Variants in ZNRF2 observed in about 807,000 individuals in gnomAD.
ZNRF2 encodes zinc and ring finger 2.
ZNRF2 carries 16 observed loss-of-function variants against 20.4 expected under a neutral mutation model. The observed-to-expected ratio is 0.79, with a 90% CI of 0.53 to 1.19. ZNRF2 has a LOEUF of 1.19. Among genes scored for constraint, ZNRF2 ranks in the 50% most tolerant of loss-of-function variants. The pLI is 0.00. For synonymous variants in ZNRF2, 178 were observed against 144.9 expected, an observed-to-expected ratio of 1.23 and a Z score of -1.64; for missense variants, 363 against 332.4, an observed-to-expected ratio of 1.09 and a Z score of -0.72.
chr7:30,360,526 G>A (rs551513472), intron 3 of ZNRF2, among the ~76,000 whole-genome samples: 2 of 145,208 alleles, frequency 1.4e-5, no homozygotes, highest in Admixed American at 1.3e-4. Flanking sequence ...TGTCTCTACT[G>A]GAAAAAAAAA....
intron 1 of ZNRF2, among the ~76,000 whole-genome samples, chr7:30,302,254 TAA>T (rs1180409443): frequency 6.6e-6 from 1 of 152,236 alleles, no homozygotes; most frequent in Non-Finnish European, 1.5e-5. Context: ...GCACATGGCT[TAA>T]ATGTTCTTTT....
chr7:30,297,265 C>T (rs116041630), intron 1 of ZNRF2, among the ~76,000 whole-genome samples: 5,261 of 152,178 alleles, frequency 0.035, 332 homozygotes, highest in African/African-American at 0.12. Context: ...TACCCTGTTC[C>T]GAATTGATTA....
intron 1 of ZNRF2, among the ~76,000 whole-genome samples, chr7:30,315,727 C>CGGCG (rs1554294834): frequency 8.1e-4 from 23 of 28,398 alleles, no homozygotes; most frequent in African/African-American, 2.7e-3. Context: ...AAAGGTGGGG[C>CGGCG]GGGGGGGGGG....
chr7:30,306,081 T>G (rs1287515113), intron 1 of ZNRF2, among the ~76,000 whole-genome samples: 1 of 152,174 alleles, frequency 6.6e-6, no homozygotes, highest in Non-Finnish European at 1.5e-5. Context: ...TAGTAGCTAC[T>G]TCATATAGTG....
At chr7:30,345,190 G>C (rs944152536) in intron 2 of ZNRF2, among the ~76,000 whole-genome samples, 1 of 147,912 alleles carries the variant, frequency 6.8e-6, no homozygotes, top group Non-Finnish European at 1.5e-5. Context: ...TCCTTTTCTC[G>C]TTCTCTGTAG....
intron 2 of ZNRF2, among the ~76,000 whole-genome samples, chr7:30,342,744 C>T (rs1027806175): frequency 5.9e-5 from 9 of 152,002 alleles, no homozygotes; most frequent in African/African-American, 1.9e-4. Flanking sequence ...GTATACAAGC[C>T]TATGAATTTT....
chr7:30,362,652 G>A (rs913536406), intron 4 of ZNRF2, among the ~76,000 whole-genome samples, 196 bp downstream of exon 4: 3 of 152,152 alleles, frequency 2.0e-5, no homozygotes, highest in Non-Finnish European at 2.9e-5. Flanking sequence ...GCTGGCTCGC[G>A]CCTGTAATCC....
At chr7:30,353,331 G>T (rs1260128959) in intron 2 of ZNRF2, among the ~76,000 whole-genome samples, 1 of 152,090 alleles carries the variant, frequency 6.6e-6, no homozygotes, top group African/African-American at 2.4e-5. Context: ...ACTGAAATCA[G>T]TGTGTTCGGG....
intron 2 of ZNRF2, among the ~76,000 whole-genome samples, chr7:30,347,264 T>C (rs1421949529): frequency 2.0e-5 from 3 of 152,246 alleles, no homozygotes; most frequent in African/African-American, 7.2e-5. Flanking sequence ...ATGAAAGTTA[T>C]TTCTCTTTTG....
At chr7:30,312,351 A>G (rs1397331418) in intron 1 of ZNRF2, among the ~76,000 whole-genome samples, 3 of 152,302 alleles carry the variant, frequency 2.0e-5, no homozygotes, top group Middle Eastern at 6.8e-3. Flanking sequence ...ACAGCATAGT[A>G]AAGTGCTCCT....
At chr7:30,344,817 A>G (rs1799852910) in intron 2 of ZNRF2, among the ~76,000 whole-genome samples, 1 of 152,128 alleles carries the variant, frequency 6.6e-6, no homozygotes, top group African/African-American at 2.4e-5. Context: ...CTGCTTATCT[A>G]TGTGTCTTTT....
chr7:30,333,561 G>T (rs1799670992), intron 2 of ZNRF2, among the ~76,000 whole-genome samples: 1 of 147,520 alleles, frequency 6.8e-6, no homozygotes, highest in African/African-American at 2.5e-5. Context: ...GTAGAGGCAG[G>T]GTTTCACCAT....
chr7:30,364,133 A>G (rs534550184), intron 4 of ZNRF2, among the ~76,000 whole-genome samples: 3 of 152,336 alleles, frequency 2.0e-5, no homozygotes, highest in African/African-American at 7.2e-5. Flanking sequence ...AACACCCTCA[A>G]GGAATTCTGT....
rs576205728 is a variant in ZNRF2 at position 30,288,684 on chromosome 7, A to G, written c.469+2858A>G. On this transcript the variant is annotated intron_variant, in intron 1 of 4. Coordinates refer to ENST00000323037, the MANE Select transcript of ZNRF2 (RefSeq NM_147128.4). ...AGAAATTTCCTAGAATTGAGTTGCC[A>G]GACATCAGAATGTGATTATATTTAT... is the stretch of plus-strand genomic sequence containing the variant. 6 of 152,362 alleles carry G rather than the reference A, an allele frequency of 3.9e-5. No individual in the cohort carries two copies. In the East Asian group the frequency reaches 7.7e-4, roughly 20 times the overall value. The allele number at this position is 152,362 out of a possible 1,614,324, so 9.4% of individuals were successfully genotyped here.
At chr7:30,315,734 G>GGT (rs1554294856) in intron 1 of ZNRF2, among the ~76,000 whole-genome samples, 3 of 97,672 alleles carry the variant, frequency 3.1e-5, no homozygotes, top group Non-Finnish European at 6.4e-5. Context: ...GGGCGGGGGG[G>GGT]GGGGGGTTGG....
In ZNRF2 at chr7:30,285,333, G is replaced by GGGCCC. The variant is rs536674206; in HGVS notation, c.-17_-13dup. 1 of 1,087,798 alleles carries GGGCCC rather than the reference G, an allele frequency of 9.2e-7. No homozygotes were observed. Among genetic ancestry groups the GGGCCC allele is most frequent in the Non-Finnish European group, 1.1e-6 (1 of 899,772 alleles). The allele number at this position is 1,087,798 out of a possible 1,614,324, so 67.4% of individuals were successfully genotyped here. ...TCCCGGCTCTCGGGGCGCAGCGCGC[G>GGGCCC]GGCCCGGCCCGGGGCAGGGCGGACA... On this transcript the variant is annotated 5_prime_UTR_variant, in exon 1 of 5. Coordinates refer to ENST00000323037, the MANE Select transcript of ZNRF2 (RefSeq NM_147128.4).
chr7:30,323,788 T>C, intron 2 of ZNRF2, 51 bp downstream of exon 2: 1 of 1,194,352 alleles, frequency 8.4e-7, no homozygotes, highest in Non-Finnish European at 1.2e-6. Context: ...AACTTACATT[T>C]TATGAATTTC....
Position 30,328,604 on chromosome 7 carries a change from T to C in ZNRF2, c.565+4867T>C, listed in dbSNP as rs982080185. 3.3e-5 allele frequency among the ~76,000 whole-genome samples: 5 copies of C among 152,230 alleles called. No homozygotes were observed. The South Asian group carries it at 6.2e-4, about 19-fold the overall frequency. ...TGGATGAGTTCCAGAAATTCAAATA[T>C]AAGTTGATGATTTAGAGTTTCAGAC... is the stretch of plus-strand genomic sequence containing the variant. On this transcript the variant is annotated intron_variant, in intron 2 of 4. Coordinates refer to ENST00000323037, the MANE Select transcript of ZNRF2 (RefSeq NM_147128.4).
chr7:30,309,337 T>A lies in ZNRF2; in HGVS notation c.470-14305T>A, dbSNP rs187975003. Among the ~76,000 whole-genome samples, 6 of 152,316 alleles carry A rather than the reference T, an allele frequency of 3.9e-5. No homozygotes were observed. The East Asian group carries it at 1.2e-3, about 29-fold the overall frequency. ...TTTCTTAAAGGGATTATTTAACCAT[T>A]ATTTAGGATAAGAATGTGTTTAGAG... On this transcript the variant is annotated intron_variant, in intron 1 of 4. Coordinates refer to ENST00000323037, the MANE Select transcript of ZNRF2 (RefSeq NM_147128.4).
Sources: gnomAD v4.1 joint callset for allele counts (sites outside exome capture counted in the v4.1 genomes callset) on GRCh38, gnomAD v4.1.1 for gene constraint, MANE v1.5 for transcripts, NCBI Gene and HGNC (gene_info 2026-07-23, HGNC 2026-07-21) for gene names.